Variants in ZSCAN5C observed in about 807,000 individuals in gnomAD.
ZSCAN5C encodes zinc finger and SCAN domain containing 5C.
Under a neutral mutation model 17.3 loss-of-function variants are expected in ZSCAN5C, and 11 were observed. That is an observed-to-expected ratio of 0.64 (90% CI 0.40 to 1.06). ZSCAN5C has a LOEUF of 1.06. Among genes scored for constraint, ZSCAN5C ranks in the 50% least tolerant of loss-of-function variants. The pLI, the probability that ZSCAN5C is intolerant of heterozygous loss-of-function variation, is 0.00. For missense variants in ZSCAN5C, 698 were observed against 538.9 expected (o/e 1.30, Z -2.92); for synonymous variants, 229 against 208.4 (o/e 1.10, Z -0.85).
chr19:56,207,254 A>G, exon 3 of ZSCAN5C: 1 of 776,816 alleles, frequency 1.3e-6, no homozygotes. Context: ...TGCACTGTTC[A>G]GGAGGCAGGT....
At chr19:56,209,089 C>T (rs1293009117) in exon 5 of ZSCAN5C, 4 of 1,594,644 alleles carry the variant, frequency 2.5e-6, no homozygotes, top group Admixed American at 1.7e-5. Flanking sequence ...AGCACCAGCG[C>T]ATCCACTCTG....
chr19:56,208,591 G>A lies in ZSCAN5C; in HGVS notation c.882G>A (p.Leu294=), dbSNP rs762894293. ...GGAGCAGAGGAGACGCTCTGAATCTGAGAGGTCTCAAAAGAAGCAAACCAG... is the reference window on the plus strand; with the variant it reads ...GGAGCAGAGGAGACGCTCTGAATCTAAGAGGTCTCAAAAGAAGCAAACCAG... Residue 294 remains leucine, a synonymous_variant, in exon 5 of 5, where the codon CTG becomes CTA. Transcript: ENST00000534327. The A allele has an allele frequency of 1.1e-5, 17 of 1,597,280 alleles. No homozygotes were observed. The Admixed American group carries it at 1.2e-4, about 11-fold the overall frequency.
chr19:56,207,643 C>G (rs1184324995), intron 3 of ZSCAN5C, among the ~76,000 whole-genome samples: 1 of 151,796 alleles, frequency 6.6e-6, no homozygotes, highest in Non-Finnish European at 1.5e-5. Flanking sequence ...AGGAGTGTTT[C>G]TCAACTGGGG....
intron 1 of ZSCAN5C, among the ~76,000 whole-genome samples, chr19:56,203,171 C>A (rs1011376277): frequency 2.0e-5 from 3 of 151,764 alleles, no homozygotes; most frequent in African/African-American, 7.3e-5. Flanking sequence ...CTCCTGGGCT[C>A]GAGGGATCCT....
chr19:56,207,732 G>C (rs947240812), intron 3 of ZSCAN5C, among the ~76,000 whole-genome samples: 2 of 151,790 alleles, frequency 1.3e-5, no homozygotes, highest in African/African-American at 2.4e-5. Flanking sequence ...GGTGTTGATA[G>C]CATCTAGAGG....
Position 56,202,895 on chromosome 19 carries a change from C to T in ZSCAN5C, c.-128+573C>T, listed in dbSNP as rs368591813. On this transcript the variant is annotated intron_variant, in intron 1 of 4. Transcript: ENST00000534327. ...AAAGCATCGCTGGATTCTCCCTTTC[C>T]ACAGGGTAAAATCAGCCATTGATGA... Among the ~76,000 whole-genome samples, 5 of 152,078 alleles carry T rather than the reference C, an allele frequency of 3.3e-5. No individual in the cohort carries two copies. The East Asian group carries it at 9.6e-4, about 29-fold the overall frequency.
Position 56,208,075 on chromosome 19 carries a change from T to C in ZSCAN5C, c.630T>C (p.Gly210=), listed in dbSNP as rs1339397121. 3.9e-6 allele frequency: 3 copies of C among 760,776 alleles called. No homozygotes were observed. The East Asian group carries it at 7.3e-5, about 19-fold the overall frequency. The allele number at this position is 760,776 out of a possible 1,614,324, so 47.1% of individuals were successfully genotyped here. A position where few individuals can be genotyped will look rare whatever the true frequency, so the allele number is the denominator to read the frequency against. ...TGCCAGAGACTACTGTCATGAAAGG[T>C]GACCCAAAGGCTCTGAGACCCAAGC... is the stretch of plus-strand genomic sequence containing the variant. The change falls in exon 4 of 5, where the codon GGT becomes GGC. Residue 210 remains glycine, a synonymous_variant. Transcript: ENST00000534327.
exon 2 of ZSCAN5C, chr19:56,206,005 C>T (rs925329830): frequency 6.2e-7 from 1 of 1,608,106 alleles, no homozygotes; most frequent in Non-Finnish European, 8.5e-7. Flanking sequence ...TCCCCAGCAA[C>T]TCAACTTGGA....
rs768767711 is a variant in ZSCAN5C, at chr19:56,205,885, G to A, written c.-29G>A. ...ACCGGCTTCTGGAAGAGCTTTCCCA[G>A]AGACAGATTGAAATATTCCCCAGTA... is the stretch of plus-strand genomic sequence containing the variant. On this transcript the variant is annotated 5_prime_UTR_variant, in exon 2 of 5. Transcript: ENST00000534327. 63 of 945,002 alleles carry A rather than the reference G, an allele frequency of 6.7e-5. No homozygotes were observed. The Admixed American group carries it at 1.1e-3, about 17-fold the overall frequency. 58.5% of individuals were successfully genotyped at this position (945,002 alleles called of 1,614,324 possible).
intron 1 of ZSCAN5C, among the ~76,000 whole-genome samples, chr19:56,203,715 T>C (rs1170359173): frequency 6.8e-6 from 1 of 147,952 alleles, no homozygotes; most frequent in African/African-American, 2.5e-5. Flanking sequence ...AATGGCGCGA[T>C]CTCTGTTCAC....
chr19:56,207,194 C>T (rs1439400540), exon 3 of ZSCAN5C: 1 of 778,308 alleles, frequency 1.3e-6, no homozygotes, highest in Non-Finnish European at 2.4e-6. Context: ...CCAGATGTGT[C>T]CGGAGGAAGG....
intron 3 of ZSCAN5C, among the ~76,000 whole-genome samples, chr19:56,207,620 A>G (rs1338470096): frequency 1.3e-5 from 2 of 151,778 alleles, no homozygotes; most frequent in African/African-American, 2.4e-5. Flanking sequence ...CAGATTGTCA[A>G]TTTCTTAATT....
chr19:56,208,644 C>A, exon 5 of ZSCAN5C: 1 of 1,611,654 alleles, frequency 6.2e-7, no homozygotes, highest in South Asian at 1.1e-5. Flanking sequence ...CAAGAAGAGC[C>A]TCAAGGAGAA....
intron 1 of ZSCAN5C, among the ~76,000 whole-genome samples, chr19:56,204,619 T>G (rs946402529): frequency 6.6e-6 from 1 of 151,686 alleles, no homozygotes; most frequent in African/African-American, 2.4e-5. Context: ...AGATGTGTGG[T>G]GTGTAAATAT....
intron 4 of ZSCAN5C, 121 bp downstream of exon 4, chr19:56,208,305 C>G (rs2032946920): frequency 1.4e-6 from 1 of 690,806 alleles, no homozygotes; most frequent in African/African-American, 1.8e-5. Flanking sequence ...CTCTCCATCC[C>G]TTACTCTCCA....
chr19:56,203,862 T>A (rs1378599872), intron 1 of ZSCAN5C, among the ~76,000 whole-genome samples: 3 of 151,766 alleles, frequency 2.0e-5, no homozygotes, highest in South Asian at 4.2e-4. Context: ...TTGGTCAGGC[T>A]GGTCTTGAAC....
At chr19:56,205,862 C>T (rs1241547276) in exon 2 of ZSCAN5C, 9 of 799,032 alleles carry the variant, frequency 1.1e-5, no homozygotes, top group South Asian at 3.1e-5. Context: ...AATTAGACAC[C>T]GGCTTCTGGA....
chr19:56,203,824 T>A (rs1479896559), intron 1 of ZSCAN5C, among the ~76,000 whole-genome samples: 2 of 151,436 alleles, frequency 1.3e-5, no homozygotes, highest in African/African-American at 4.9e-5. Flanking sequence ...TAATTTTGTA[T>A]TTTTAGTACA....
chr19:56,206,520 C>G (rs1194379891), intron 2 of ZSCAN5C, among the ~76,000 whole-genome samples: 1 of 151,918 alleles, frequency 6.6e-6, no homozygotes, highest in Admixed American at 6.6e-5. Flanking sequence ...CTCAGGACAA[C>G]CCATCATGAC....
Sources: gnomAD v4.1 joint callset for allele counts (sites outside exome capture counted in the v4.1 genomes callset) on GRCh38, gnomAD v4.1.1 for gene constraint, MANE v1.5 for transcripts, NCBI Gene and HGNC (gene_info 2026-07-23, HGNC 2026-07-21) for gene names.